L3MBTL4: variants seen among roughly 807,000 people sequenced by gnomAD.
The protein encoded by L3MBTL4 is lethal(3)malignant brain tumor-like protein 4.
L3MBTL4 carries 70 observed loss-of-function variants against 84.5 expected under a neutral mutation model. The ratio of observed to expected loss-of-function variants is 0.83; its 90% CI spans 0.68 to 1.01. The LOEUF is 1.01. Ranked by LOEUF, L3MBTL4 falls within the 50% of genes least tolerant of loss-of-function variation. The pLI is 0.00. For missense variants in L3MBTL4, 715 were observed against 754.8 expected, an observed-to-expected ratio of 0.95 and a Z score of 0.62; for synonymous variants, 274 against 259.8, an observed-to-expected ratio of 1.05 and a Z score of -0.52.
chr18:6,227,967 A>T (rs2046844775), intron 10 of L3MBTL4, among the ~76,000 whole-genome samples: 1 of 152,198 alleles, frequency 6.6e-6, no homozygotes, highest in Non-Finnish European at 1.5e-5. Context: ...ATGCCAGGAC[A>T]AGAACAGCTT....
intron 13 of L3MBTL4, among the ~76,000 whole-genome samples, chr18:6,169,229 T>G (rs2043841350): frequency 6.6e-6 from 1 of 152,170 alleles, no homozygotes; most frequent in Non-Finnish European, 1.5e-5. Flanking sequence ...ACACTGTTGG[T>G]GGGACTGTAA....
At chr18:6,034,629 G>A (rs1451171837) in intron 16 of L3MBTL4, among the ~76,000 whole-genome samples, 3 of 152,150 alleles carry the variant, frequency 2.0e-5, no homozygotes, top group Non-Finnish European at 2.9e-5. Flanking sequence ...TGTCTTTATA[G>A]CAGCATGATT....
chr18:6,104,486 T>A (rs1282501306), intron 14 of L3MBTL4, among the ~76,000 whole-genome samples: 3 of 151,826 alleles, frequency 2.0e-5, no homozygotes, highest in South Asian at 4.1e-4. Context: ...GAAGAACAAA[T>A]ACTGCATGGT....
At chr18:6,115,688 A>G (rs1413750279) in intron 14 of L3MBTL4, among the ~76,000 whole-genome samples, 1 of 152,166 alleles carries the variant, frequency 6.6e-6, no homozygotes. Context: ...CCATGGGAAG[A>G]CTCAAGGAGG....
chr18:6,076,699 T>G (rs956777854), intron 16 of L3MBTL4, among the ~76,000 whole-genome samples: 1 of 152,122 alleles, frequency 6.6e-6, no homozygotes, highest in Non-Finnish European at 1.5e-5. Context: ...AATTATTATA[T>G]CCAAAATAAA....
intron 16 of L3MBTL4, among the ~76,000 whole-genome samples, chr18:6,055,514 AT>A (rs900671286): frequency 3.9e-5 from 6 of 152,132 alleles, no homozygotes; most frequent in Admixed American, 1.3e-4. Context: ...TGACTGATTG[AT>A]TTTTTTGCTG....
intron 1 of L3MBTL4, among the ~76,000 whole-genome samples, chr18:6,390,429 A>G (rs2054997038): frequency 6.6e-6 from 1 of 152,188 alleles, no homozygotes; most frequent in East Asian, 1.9e-4. Flanking sequence ...ACTAGAGAAC[A>G]AGAGCAAACT....
At chr18:6,377,802 G>C (rs1438631125) in intron 1 of L3MBTL4, among the ~76,000 whole-genome samples, 3 of 152,290 alleles carry the variant, frequency 2.0e-5, no homozygotes, top group East Asian at 3.9e-4. Context: ...TGCGTCTTTA[G>C]AGTAGAATGA....
intron 12 of L3MBTL4, among the ~76,000 whole-genome samples, chr18:6,198,304 A>G (rs1159988750): frequency 2.0e-5 from 3 of 152,158 alleles, no homozygotes; most frequent in Non-Finnish European, 2.9e-5. Context: ...TGCTAATCTG[A>G]TTTATTCCCT....
Position 5,956,005 on chromosome 18 carries a change from T to C in L3MBTL4, c.*215A>G, listed in dbSNP as rs2095224700. On this transcript the variant is annotated 3_prime_UTR_variant, in exon 19 of 19. Coordinates refer to ENST00000317931, the MANE Select transcript of L3MBTL4 (RefSeq NM_001330559.2). ...ATCCCACCAAAGATAACAATGTTCG[T>C]AAACCAAACCCACAGATGGGCCTAA... 6 of 491,128 alleles carry C rather than the reference T, an allele frequency of 1.2e-5. No individual in the cohort carries two copies. The highest frequency in any genetic ancestry group is 2.1e-5 in the Non-Finnish European group (6 of 279,610). 30.4% of individuals were successfully genotyped at this position (491,128 alleles called of 1,614,324 possible). A position where few individuals can be genotyped will look rare whatever the true frequency, so the allele number is the denominator to read the frequency against.
intron 17 of L3MBTL4, among the ~76,000 whole-genome samples, chr18:5,964,066 G>A (rs534010242): frequency 1.8e-4 from 28 of 152,364 alleles, no homozygotes; most frequent in African/African-American, 6.0e-4. Context: ...CCATGTGGGT[G>A]TCTCCCCTTG....
At chr18:6,345,226 A>G (rs2052821465) in intron 1 of L3MBTL4, among the ~76,000 whole-genome samples, 2 of 132,776 alleles carry the variant, frequency 1.5e-5, no homozygotes, top group East Asian at 2.0e-4. Context: ...AAAAAAAAAA[A>G]AAAAAAAAAA....
intron 1 of L3MBTL4, chr18:6,326,865 T>C (rs2051749418): frequency 6.6e-6 from 1 of 152,222 alleles, no homozygotes; most frequent in Middle Eastern, 3.2e-3. Context: ...GGACAGACAG[T>C]ACATTAAGCA....
rs1303818089 is a variant in L3MBTL4, at chr18:6,110,727, T to A, written c.1200-17199A>T. Reference sequence around the variant, plus strand: ...GCATGTGGGTGTACACATGTATGTGTGGTTTCTGTATGCATCAGAGAGGAC... The same window carrying A: ...GCATGTGGGTGTACACATGTATGTGAGGTTTCTGTATGCATCAGAGAGGAC... On this transcript the variant is annotated intron_variant, in intron 14 of 18. Coordinates refer to ENST00000317931, the MANE Select transcript of L3MBTL4 (RefSeq NM_001330559.2). 2.6e-5 allele frequency among the ~76,000 whole-genome samples: 4 copies of A among 152,094 alleles called. No homozygotes were observed. In the East Asian group the frequency reaches 7.7e-4, roughly 29 times the overall value.
chr18:6,035,549 T>G (rs1721280748), intron 16 of L3MBTL4, among the ~76,000 whole-genome samples: 1 of 152,192 alleles, frequency 6.6e-6, no homozygotes, highest in Non-Finnish European at 1.5e-5. Flanking sequence ...TTGGTTACTG[T>G]AGCCTTGTAG....
At chr18:6,216,856 A>C (rs1384870993) in intron 10 of L3MBTL4, among the ~76,000 whole-genome samples, 1 of 152,180 alleles carries the variant, frequency 6.6e-6, no homozygotes, top group Non-Finnish European at 1.5e-5. Context: ...TTACTACATA[A>C]TAGTTTCAGA....
chr18:6,019,002 C>T (rs12373202), intron 16 of L3MBTL4, among the ~76,000 whole-genome samples: 8,481 of 152,254 alleles, frequency 0.056, 501 homozygotes, highest in Admixed American at 0.17. Flanking sequence ...TAATCATCAA[C>T]ATCAAAAAGA....
intron 16 of L3MBTL4, among the ~76,000 whole-genome samples, chr18:5,979,844 T>C (rs2144973373): frequency 6.6e-6 from 1 of 152,276 alleles, no homozygotes; most frequent in African/African-American, 2.4e-5. Flanking sequence ...ATTGTCAGAT[T>C]TATCTCAAAA....
intron 14 of L3MBTL4, among the ~76,000 whole-genome samples, chr18:6,136,339 C>T (rs764988230): frequency 1.3e-5 from 2 of 152,140 alleles, no homozygotes; most frequent in African/African-American, 4.8e-5. Context: ...GGTCTGGAGG[C>T]AGGGAACCTA....
Sources: gnomAD v4.1 joint callset for allele counts (sites outside exome capture counted in the v4.1 genomes callset) on GRCh38, gnomAD v4.1.1 for gene constraint, MANE v1.5 for transcripts, NCBI Gene and HGNC (gene_info 2026-07-23, HGNC 2026-07-21) for gene names.